The following CADM2 variants were observed in gnomAD, a reference collection of about 807,000 sequenced individuals.
CADM2 encodes the protein cell adhesion molecule 2.
In CADM2, 12 loss-of-function variants were observed where a neutral mutation model predicts 49.8. That is an observed-to-expected ratio of 0.24 (90% CI 0.15 to 0.39). The LOEUF (loss-of-function observed/expected upper bound fraction) is 0.39. Ranked by LOEUF, CADM2 falls within the 10% of genes least tolerant of loss-of-function variation. The probability of loss-of-function intolerance (pLI) is 1.00; values close to 1 mark genes in which losing one functional copy is unlikely to be tolerated. For missense variants in CADM2, 378 were observed against 492.3 expected (o/e 0.77, Z 2.20); for synonymous variants, 214 against 175.4 (o/e 1.22, Z -1.74).
At chr3:85,256,000 T>C (rs1576222164) in intron 1 of CADM2, among the ~76,000 whole-genome samples, 2 of 152,208 alleles carry the variant, frequency 1.3e-5, no homozygotes, top group East Asian at 3.9e-4. Flanking sequence ...TGAAAGCACC[T>C]AGACTGTACT....
intron 1 of CADM2, among the ~76,000 whole-genome samples, chr3:85,123,982 A>G (rs1366403137): frequency 6.6e-6 from 1 of 152,200 alleles, no homozygotes; most frequent in Non-Finnish European, 1.5e-5. Flanking sequence ...GAGCTATATA[A>G]GTACTGGGGG....
intron 1 of CADM2, among the ~76,000 whole-genome samples, chr3:85,436,425 G>T (rs887741600): frequency 2.0e-5 from 3 of 151,844 alleles, no homozygotes; most frequent in Admixed American, 1.3e-4. Context: ...TCTTTCTTTT[G>T]CCTGATTGCC....
chr3:85,513,218 A>G (rs2060814378), intron 1 of CADM2, among the ~76,000 whole-genome samples: 1 of 151,960 alleles, frequency 6.6e-6, no homozygotes, highest in South Asian at 2.1e-4. Context: ...GAGATGCAAA[A>G]CCAAAATTAG....
chr3:85,345,998 G>A (rs1392467736), intron 1 of CADM2, among the ~76,000 whole-genome samples: 2 of 152,042 alleles, frequency 1.3e-5, no homozygotes, highest in Non-Finnish European at 2.9e-5. Flanking sequence ...CCACAATTGG[G>A]GAATCTGAAT....
chr3:85,494,888 G>A (rs1380306945), intron 1 of CADM2, among the ~76,000 whole-genome samples: 2 of 152,168 alleles, frequency 1.3e-5, no homozygotes, highest in Non-Finnish European at 2.9e-5. Flanking sequence ...CAATGCGGAT[G>A]AAAACACCAA....
intron 1 of CADM2, among the ~76,000 whole-genome samples, chr3:85,276,307 G>A (rs916832522): frequency 2.6e-5 from 4 of 151,258 alleles, no homozygotes; most frequent in African/African-American, 7.3e-5. Flanking sequence ...TCTGTCATCA[G>A]CAGTCGTTGC....
intron 1 of CADM2, among the ~76,000 whole-genome samples, chr3:85,295,786 G>T (rs545655776): frequency 5.9e-5 from 9 of 152,166 alleles, no homozygotes; most frequent in Admixed American, 4.6e-4. Flanking sequence ...GTGGGGTTGG[G>T]GGAGAGGGGA....
intron 1 of CADM2, among the ~76,000 whole-genome samples, chr3:85,436,037 T>C (rs2107531772): frequency 6.6e-6 from 1 of 152,298 alleles, no homozygotes; most frequent in Admixed American, 6.5e-5. Flanking sequence ...TTAGATCCCA[T>C]TTGTCAATTT....
chr3:85,367,673 C>T (rs1193444041), intron 1 of CADM2, among the ~76,000 whole-genome samples: 2 of 151,798 alleles, frequency 1.3e-5, no homozygotes, highest in South Asian at 4.1e-4. Context: ...AAGTCAGCAC[C>T]GTACAGGCAT....
At chr3:85,371,933 G>T (rs1234707539) in intron 1 of CADM2, among the ~76,000 whole-genome samples, 1 of 151,258 alleles carries the variant, frequency 6.6e-6, no homozygotes, top group East Asian at 1.9e-4. Flanking sequence ...ACTTAGACTT[G>T]GTAGATCTTG....
intron 1 of CADM2, among the ~76,000 whole-genome samples, chr3:85,069,881 C>G (rs2036658690): frequency 6.6e-6 from 1 of 152,144 alleles, no homozygotes; most frequent in African/African-American, 2.4e-5. Flanking sequence ...TTAGAAGATG[C>G]CTGCTATAAC....
intron 2 of CADM2, among the ~76,000 whole-genome samples, chr3:85,782,293 T>G (rs1684519981): frequency 6.6e-6 from 1 of 152,228 alleles, no homozygotes; most frequent in African/African-American, 2.4e-5. Context: ...TCATTTTTTC[T>G]GTAACTTTTT....
intron 2 of CADM2, among the ~76,000 whole-genome samples, chr3:85,757,863 G>GAA (rs2069194507): frequency 6.6e-6 from 1 of 152,190 alleles, no homozygotes; most frequent in African/African-American, 2.4e-5. Flanking sequence ...TGTTTGAAAA[G>GAA]ATTCCTCTGA....
intron 1 of CADM2, among the ~76,000 whole-genome samples, chr3:85,453,523 T>A (rs1398507872): frequency 2.0e-5 from 3 of 152,160 alleles, no homozygotes; most frequent in African/African-American, 7.2e-5. Context: ...ATCATATTGA[T>A]TATATTTATT....
intron 1 of CADM2, among the ~76,000 whole-genome samples, chr3:85,463,845 G>A (rs1472213606): frequency 6.6e-6 from 1 of 152,014 alleles, no homozygotes; most frequent in Non-Finnish European, 1.5e-5. Context: ...TTCTGACAAA[G>A]GACATAGCAA....
intron 1 of CADM2, among the ~76,000 whole-genome samples, chr3:85,350,641 A>T (rs2031249251): frequency 6.6e-6 from 1 of 152,192 alleles, no homozygotes; most frequent in Non-Finnish European, 1.5e-5. Context: ...GGCATGGAGC[A>T]GGAGGACAGT....
intron 1 of CADM2, among the ~76,000 whole-genome samples, chr3:85,111,745 T>A (rs746055098): frequency 1.3e-5 from 2 of 151,840 alleles, no homozygotes; most frequent in Admixed American, 1.3e-4. Flanking sequence ...TTAAATAACT[T>A]AAAGAAATTG....
At chr3:85,855,044 T>G (rs2075254946) in intron 3 of CADM2, among the ~76,000 whole-genome samples, 2 of 152,132 alleles carry the variant, frequency 1.3e-5, no homozygotes, top group African/African-American at 4.8e-5. Flanking sequence ...GTCTCTTGCC[T>G]TCCATGACAC....
intron 8 of CADM2, among the ~76,000 whole-genome samples, chr3:86,055,138 G>C (rs1164593235): frequency 2.0e-5 from 3 of 152,128 alleles, no homozygotes; most frequent in Non-Finnish European, 4.4e-5. Flanking sequence ...ATGCAGGCTT[G>C]TTGCAGGATG....
Sources: gnomAD v4.1 joint callset for allele counts (sites outside exome capture counted in the v4.1 genomes callset) on GRCh38, gnomAD v4.1.1 for gene constraint, MANE v1.5 for transcripts, NCBI Gene and HGNC (gene_info 2026-07-23, HGNC 2026-07-21) for gene names.